Variants in SPEF2 observed in about 807,000 individuals in gnomAD.
SPEF2 encodes the protein sperm flagellar and cilia associated 2.
In SPEF2, 187 loss-of-function variants were observed where a neutral mutation model predicts 224.6. That is an observed-to-expected ratio of 0.83 (90% CI 0.74 to 0.94). SPEF2 has a LOEUF of 0.94. Among genes scored for constraint, SPEF2 ranks in the 40% least tolerant of loss-of-function variants. The probability of loss-of-function intolerance (pLI) is 0.00; values close to 1 mark genes in which losing one functional copy is unlikely to be tolerated. For synonymous variants in SPEF2, 715 were observed against 707.3 expected (o/e 1.01, Z -0.17); for missense variants, 2,170 against 2,135.6 (o/e 1.02, Z -0.32).
rs1396486240 is a variant in SPEF2 at position 35,751,046 on chromosome 5, T to C, written c.3331-2578T>C. Among the ~76,000 whole-genome samples the C allele has an allele frequency of 1.0e-3, 80 of 78,156 alleles. 4 individuals carry two copies. The highest frequency in any genetic ancestry group is 2.0e-3 in the African/African-American group (43 of 21,576). The allele number at this position is 78,156 out of a possible 152,430, so 51.3% of individuals were successfully genotyped here. A position where few individuals can be genotyped will look rare whatever the true frequency, so the allele number is the denominator to read the frequency against. On this transcript the variant is annotated intron_variant, in intron 23 of 36. Coordinates refer to ENST00000356031, the MANE Select transcript of SPEF2 (RefSeq NM_024867.4). The stretch of plus-strand genomic sequence containing the variant: ...ATACGTATATATATACACATATGTA[T>C]ATATATATACGTATATATATGTATA...
chr5:35,618,138 G>C, intron 1 of SPEF2, 83 bp downstream of exon 1: 1 of 1,474,934 alleles, frequency 6.8e-7, no homozygotes, highest in Non-Finnish European at 9.3e-7. Context: ...ACTCAGGGAA[G>C]GTGGCGGGCA....
At chr5:35,661,704 G>C (rs568735592) in intron 8 of SPEF2, among the ~76,000 whole-genome samples, 1 of 152,158 alleles carries the variant, frequency 6.6e-6, no homozygotes, top group Admixed American at 6.5e-5. Flanking sequence ...GCATTAGTTT[G>C]CTGAGGATAA....
rs1444916640 is a variant in SPEF2, at chr5:35,739,357, G to C, written c.3064-562G>C. Among the ~76,000 whole-genome samples the C allele has an allele frequency of 3.3e-5, 5 of 152,144 alleles. No homozygotes were observed. In the East Asian group the frequency reaches 9.6e-4, roughly 29 times the overall value. ...CCTCAGTGGATGACCTTGCAGACTT[G>C]TTGTATCTGGGTAGGATTTCTGGAA... On this transcript the variant is annotated intron_variant, in intron 21 of 36. Coordinates refer to ENST00000356031, the MANE Select transcript of SPEF2 (RefSeq NM_024867.4).
chr5:35,685,264 G>GTACTCAT (rs1655752711), intron 10 of SPEF2, among the ~76,000 whole-genome samples: 1 of 152,094 alleles, frequency 6.6e-6, no homozygotes. Context: ...AACTTACTAT[G>GTACTCAT]AGTACTTTGG....
At chr5:35,783,799 A>G (rs1279862778) in intron 30 of SPEF2, among the ~76,000 whole-genome samples, 1 of 152,196 alleles carries the variant, frequency 6.6e-6, no homozygotes, top group Non-Finnish European at 1.5e-5. Flanking sequence ...TCAAGTGCCA[A>G]ATACATAAGG....
chr5:35,763,750 G>A, intron 26 of SPEF2, 48 bp downstream of exon 26: 1 of 1,508,120 alleles, frequency 6.6e-7, no homozygotes. Context: ...CATTCATTAA[G>A]TACCAAGGTT....
chr5:35,802,957 A>T (rs529556857), intron 34 of SPEF2, among the ~76,000 whole-genome samples: 1 of 152,192 alleles, frequency 6.6e-6, no homozygotes, highest in South Asian at 2.1e-4. Flanking sequence ...AAGTAAGGAG[A>T]CCTAGGCCTT....
intron 20 of SPEF2, among the ~76,000 whole-genome samples, chr5:35,722,287 CA>C (rs1743830620): frequency 6.6e-6 from 1 of 151,934 alleles, no homozygotes; most frequent in Non-Finnish European, 1.5e-5. Flanking sequence ...CCATGCGTCC[CA>C]GCCCTGGCAT....
chr5:35,779,015 C>T (rs1753967915), intron 29 of SPEF2, 102 bp from the exon 30 acceptor site: 1 of 757,274 alleles, frequency 1.3e-6, no homozygotes, highest in Non-Finnish European at 2.1e-6. Flanking sequence ...TGTCTAAGAG[C>T]TATATAATCT....
intron 36 of SPEF2, among the ~76,000 whole-genome samples, chr5:35,810,924 C>T (rs1384190945): frequency 6.6e-6 from 1 of 152,132 alleles, no homozygotes; most frequent in Non-Finnish European, 1.5e-5. Context: ...TTCCTGGTCA[C>T]TCCACCAAGG....
chr5:35,623,109 T>C (rs1284516333), intron 1 of SPEF2, among the ~76,000 whole-genome samples: 2 of 152,172 alleles, frequency 1.3e-5, no homozygotes, highest in African/African-American at 4.8e-5. Context: ...GGCATCTCAG[T>C]AAGAGGGTGC....
intron 2 of SPEF2, chr5:35,632,903 T>C (rs1425839548): frequency 6.6e-6 from 1 of 152,204 alleles, no homozygotes; most frequent in Non-Finnish European, 1.5e-5. Flanking sequence ...TTTAATTACA[T>C]CGTCATTGGA....
chr5:35,796,210 C>A (rs1756635116), intron 33 of SPEF2, among the ~76,000 whole-genome samples: 1 of 152,190 alleles, frequency 6.6e-6, no homozygotes, highest in African/African-American at 2.4e-5. Flanking sequence ...ACAGCATTGC[C>A]CATAGCCCAT....
intron 15 of SPEF2, 85 bp downstream of exon 15, chr5:35,697,878 G>A: frequency 1.0e-6 from 1 of 955,508 alleles, no homozygotes; most frequent in Non-Finnish European, 1.6e-6. Context: ...CGGATTTTTT[G>A]TTGTAATATC....
Position 35,762,927 on chromosome 5 carries a change from G to A in SPEF2, c.3621-595G>A, listed in dbSNP as rs545995079. ...AAACAAAGAGAAAACCTTTGTGGGG[G>A]TGGTGCTGTAGGCTACCCCCACCCA... On this transcript the variant is annotated intron_variant, in intron 25 of 36. Transcript: ENST00000356031. Among the ~76,000 whole-genome samples, 30 of 152,280 alleles carry A rather than the reference G, an allele frequency of 2.0e-4. 1 individual carries two copies. The highest frequency in any genetic ancestry group is 7.0e-4 in the African/African-American group (29 of 41,558).
chr5:35,723,023 C>T (rs538762913), intron 20 of SPEF2, among the ~76,000 whole-genome samples: 21 of 151,870 alleles, frequency 1.4e-4, no homozygotes, highest in East Asian at 5.8e-4. Flanking sequence ...TGGGTTAAAA[C>T]GGAAAAAAGA....
chr5:35,787,463 G>C (rs1054678978), intron 30 of SPEF2, among the ~76,000 whole-genome samples: 5 of 152,122 alleles, frequency 3.3e-5, no homozygotes, highest in African/African-American at 1.2e-4. Context: ...GGATTCTAAA[G>C]TGAAGAAGAG....
chr5:35,799,097 T>C (rs1473114548), intron 33 of SPEF2, among the ~76,000 whole-genome samples: 1 of 152,196 alleles, frequency 6.6e-6, no homozygotes, highest in Admixed American at 6.5e-5. Flanking sequence ...ACCAGCAACA[T>C]TAAAAGTACC....
intron 12 of SPEF2, among the ~76,000 whole-genome samples, chr5:35,693,989 TC>T (rs753742509): frequency 3.3e-5 from 5 of 152,202 alleles, no homozygotes; most frequent in Non-Finnish European, 4.4e-5. Context: ...TTCCTCAGGT[TC>T]CACTATCTTT....
Sources: allele counts gnomAD v4.1 joint callset (sites outside exome capture counted in the v4.1 genomes callset), GRCh38; gene constraint gnomAD v4.1.1; transcripts MANE v1.5; gene names NCBI Gene and HGNC (gene_info 2026-07-23, HGNC 2026-07-21).